The following PARM1 variants were observed in gnomAD, a reference collection of about 807,000 sequenced individuals.
PARM1 encodes WSC4, cell wall integrity and stress response component 4 homolog.
Under a neutral mutation model 24.6 loss-of-function variants are expected in PARM1, and 14 were observed. The ratio of observed to expected loss-of-function variants is 0.57; its 90% CI spans 0.38 to 0.89. The LOEUF (loss-of-function observed/expected upper bound fraction) is 0.89. Ranked by LOEUF, PARM1 falls within the 40% of genes least tolerant of loss-of-function variation. The pLI is 0.00. For synonymous variants in PARM1, 179 were observed against 156.6 expected (o/e 1.14, Z -1.07); for missense variants, 362 against 380.4 (o/e 0.95, Z 0.40).
At chr4:75,010,448 A>G (rs1056641753) in intron 1 of PARM1, among the ~76,000 whole-genome samples, 7 of 152,212 alleles carry the variant, frequency 4.6e-5, no homozygotes, top group African/African-American at 1.2e-4. Context: ...GTTGCACAAT[A>G]TGTATATATA....
intron 1 of PARM1, among the ~76,000 whole-genome samples, chr4:75,009,834 T>C (rs1234967641): frequency 6.6e-6 from 1 of 152,212 alleles, no homozygotes; most frequent in East Asian, 1.9e-4. Context: ...GTGCCCTCAT[T>C]GAGCTTTTAT....
chr4:75,022,407 C>T (rs970979965), intron 2 of PARM1, among the ~76,000 whole-genome samples: 1 of 152,148 alleles, frequency 6.6e-6, no homozygotes, highest in Non-Finnish European at 1.5e-5. Flanking sequence ...AAATCTTAAT[C>T]TGCTTTTGAA....
rs535909292 is a variant in PARM1 at position 74,997,998 on chromosome 4, A to G, written c.44-14427A>G. The stretch of plus-strand genomic sequence containing the variant: ...TTCACCCAAGTTAGCTCATGTCGCC[A>G]GATTCTGTCCTTCCAGATTGATGTG... On this transcript the variant is annotated intron_variant, in intron 1 of 3. Transcript: ENST00000307428. Among the ~76,000 whole-genome samples, 30 of 152,344 alleles carry G rather than the reference A, an allele frequency of 2.0e-4. No individual in the cohort carries two copies. In the Middle Eastern group the frequency reaches 0.01, roughly 52 times the overall value.
At chr4:74,981,375 A>G (rs1360777865) in intron 1 of PARM1, among the ~76,000 whole-genome samples, 6 of 152,230 alleles carry the variant, frequency 3.9e-5, no homozygotes, top group South Asian at 2.1e-4. Context: ...ATATGAAAAA[A>G]AAAGCTCAAC....
chr4:75,048,966 AT>A lies in PARM1; in HGVS notation c.*2720del, dbSNP rs1723665677. On this transcript the variant is annotated 3_prime_UTR_variant, in exon 4 of 4. Transcript: ENST00000307428. ...TATAACACACACACACACATCTGAAATATATGCCGAAAATTGACGTCTTTGA... is the reference window on the plus strand; with the variant it reads ...TATAACACACACACACACATCTGAAAATATGCCGAAAATTGACGTCTTTGA... The A allele has an allele frequency of 1.3e-5, 2 of 152,638 alleles. No homozygotes were observed. The highest frequency in any genetic ancestry group is 4.8e-5 in the African/African-American group (2 of 41,460). 9.5% of individuals were successfully genotyped at this position (152,638 alleles called of 1,614,324 possible).
intron 1 of PARM1, among the ~76,000 whole-genome samples, chr4:75,002,784 C>T (rs1299514339): frequency 6.6e-6 from 1 of 152,196 alleles, no homozygotes; most frequent in Admixed American, 6.5e-5. Flanking sequence ...CCATCTTGGC[C>T]TCTGGTGGAC....
chr4:75,018,017 T>C (rs1723021041), intron 2 of PARM1, among the ~76,000 whole-genome samples: 1 of 152,246 alleles, frequency 6.6e-6, no homozygotes, highest in Non-Finnish European at 1.5e-5. Context: ...CTGTTATTAC[T>C]ATTCTGCTGG....
chr4:74,948,990 C>T (rs138967581), intron 1 of PARM1, among the ~76,000 whole-genome samples: 13 of 152,020 alleles, frequency 8.6e-5, no homozygotes, highest in South Asian at 2.1e-4. Context: ...CCACTGCACT[C>T]CAGCCTCGGC....
chr4:75,028,908 T>G (rs1723229517), intron 2 of PARM1, among the ~76,000 whole-genome samples: 1 of 152,208 alleles, frequency 6.6e-6, no homozygotes, highest in African/African-American at 2.4e-5. Flanking sequence ...TTATTTCATG[T>G]TTAAAGTGAA....
intron 1 of PARM1, among the ~76,000 whole-genome samples, chr4:74,940,969 G>A (rs1449833627): frequency 3.3e-5 from 5 of 152,190 alleles, no homozygotes; most frequent in African/African-American, 1.2e-4. Flanking sequence ...TGACCTCACT[G>A]CCACTTGTTC....
intron 1 of PARM1, among the ~76,000 whole-genome samples, chr4:74,990,238 A>G (rs1722439567): frequency 6.6e-6 from 1 of 152,180 alleles, no homozygotes; most frequent in South Asian, 2.1e-4. Context: ...AGAGCAGAGT[A>G]TGCACATGGA....
chr4:74,970,867 C>T (rs1466924519), intron 1 of PARM1, among the ~76,000 whole-genome samples: 1 of 152,126 alleles, frequency 6.6e-6, no homozygotes, highest in African/African-American at 2.4e-5. Context: ...TTGTGGGAGC[C>T]AGCACAAAGG....
chr4:74,988,261 G>T (rs965854165), intron 1 of PARM1, among the ~76,000 whole-genome samples: 12 of 152,202 alleles, frequency 7.9e-5, no homozygotes, highest in African/African-American at 2.4e-4. Flanking sequence ...TTACCCAGTG[G>T]TGGAAGAGAT....
At chr4:75,014,182 C>T (rs968195677) in intron 2 of PARM1, among the ~76,000 whole-genome samples, 3 of 152,150 alleles carry the variant, frequency 2.0e-5, no homozygotes, top group Non-Finnish European at 2.9e-5. Context: ...AATTGATATA[C>T]ATCCATCACG....
At chr4:74,945,989 C>T (rs552380082) in intron 1 of PARM1, among the ~76,000 whole-genome samples, 1 of 152,294 alleles carries the variant, frequency 6.6e-6, no homozygotes, top group Non-Finnish European at 1.5e-5. Context: ...GCCAACCTCT[C>T]ACATTATAGA....
chr4:74,980,160 G>A (rs761423968), intron 1 of PARM1, among the ~76,000 whole-genome samples: 2 of 152,138 alleles, frequency 1.3e-5, no homozygotes, highest in African/African-American at 4.8e-5. Context: ...CAAATTGGAA[G>A]AGAAAAAGTC....
intron 1 of PARM1, among the ~76,000 whole-genome samples, chr4:75,002,861 G>A (rs891951049): frequency 2.0e-5 from 3 of 152,196 alleles, no homozygotes; most frequent in Middle Eastern, 3.2e-3. Context: ...GGTCTGCAGA[G>A]GGTTACCCTG....
rs577069285 is a variant in PARM1 at position 75,000,533 on chromosome 4, G to A, written c.44-11892G>A. ...CTGCCACTGTGCTAGACACAGTTGC[G>A]TTAAGGACAGGAAGGAGGAGGAAAG... On this transcript the variant is annotated intron_variant, in intron 1 of 3. Transcript: ENST00000307428. 2.8e-4 allele frequency among the ~76,000 whole-genome samples: 43 copies of A among 152,264 alleles called. 1 individual carries two copies. The highest frequency in any genetic ancestry group is 6.8e-3 in the Middle Eastern group (2 of 294).
chr4:74,958,035 A>G (rs1578027699), intron 1 of PARM1, among the ~76,000 whole-genome samples: 1 of 152,162 alleles, frequency 6.6e-6, no homozygotes, highest in Non-Finnish European at 1.5e-5. Context: ...GAGGCTTGGG[A>G]ATAACTACTT....
Sources: allele counts gnomAD v4.1 joint callset (sites outside exome capture counted in the v4.1 genomes callset), GRCh38; gene constraint gnomAD v4.1.1; transcripts MANE v1.5; gene names NCBI Gene and HGNC (gene_info 2026-07-23, HGNC 2026-07-21).